Variants in PDE1A observed in about 807,000 individuals in gnomAD.
PDE1A encodes the protein dual specificity calcium/calmodulin-dependent 3',5'-cyclic nucleotide phosphodiesterase 1A.
PDE1A carries 35 observed loss-of-function variants against 61.7 expected under a neutral mutation model. The ratio of observed to expected loss-of-function variants is 0.57; its 90% CI spans 0.43 to 0.75. The LOEUF (loss-of-function observed/expected upper bound fraction) is 0.75. PDE1A is among the 30% of genes least tolerant of loss of function. The probability of loss-of-function intolerance (pLI) is 0.00; values close to 1 mark genes in which losing one functional copy is unlikely to be tolerated. For missense variants in PDE1A, 597 were observed against 630.6 expected (o/e 0.95, Z 0.57); for synonymous variants, 232 against 213.2 (o/e 1.09, Z -0.77).
chr2:182,597,467 G>T, the PDE1A span, among the ~76,000 whole-genome samples: 2 of 152,184 alleles, frequency 1.3e-5, no homozygotes, highest in Non-Finnish European at 2.9e-5. Flanking sequence ...GGCTATTGCA[G>T]AGGAAGAGAG....
At chr2:182,637,638 C>G in the PDE1A span, among the ~76,000 whole-genome samples, 2 of 152,056 alleles carry the variant, frequency 1.3e-5, no homozygotes, top group African/African-American at 4.8e-5. Context: ...ATGTCAAAGT[C>G]AGGCCGGGCA....
At chr2:182,565,928 T>G in the PDE1A span, among the ~76,000 whole-genome samples, 8 of 152,086 alleles carry the variant, frequency 5.3e-5, no homozygotes, top group African/African-American at 1.7e-4. Context: ...TAAGCTTTCA[T>G]TTGCTAATAT....
chr2:182,550,645 C>T, the PDE1A span, among the ~76,000 whole-genome samples: 1 of 152,278 alleles, frequency 6.6e-6, no homozygotes, highest in Admixed American at 6.5e-5. Flanking sequence ...TCAGGATGCC[C>T]TCACTGTTAT....
At chr2:182,384,458 A>AAATAATAATAATAATAAT (rs112896044) in intron 1 of PDE1A, among the ~76,000 whole-genome samples, 22 of 141,920 alleles carry the variant, frequency 1.6e-4, no homozygotes, top group African/African-American at 4.6e-4. Context: ...AATAAAGAGA[A>AAATAATAATAATAATAAT]AATAATAATA....
At chr2:182,444,845 T>C (rs1230614320) in intron 2 of PDE1A, among the ~76,000 whole-genome samples, 1 of 152,148 alleles carries the variant, frequency 6.6e-6, no homozygotes, top group Non-Finnish European at 1.5e-5. Context: ...TTTAGTACTC[T>C]TATTCTTCTT....
At chr2:182,167,454 T>C (rs566553908), downstream of PDE1A, among the ~76,000 whole-genome samples, 1 of 152,186 alleles carries the variant, frequency 6.6e-6, no homozygotes, top group South Asian at 2.1e-4. Flanking sequence ...CACCGCAAAA[T>C]GAACATGGGA....
intron 1 of PDE1A, among the ~76,000 whole-genome samples, chr2:182,399,813 TAGTC>T (rs1224193468): frequency 6.6e-6 from 1 of 152,090 alleles, no homozygotes; most frequent in Admixed American, 6.5e-5. Flanking sequence ...ATAATCAATT[TAGTC>T]AGTCTCCTGT....
intron 1 of PDE1A, among the ~76,000 whole-genome samples, chr2:182,344,750 T>TCA (rs10590540): frequency 0.086 from 13,006 of 150,592 alleles, 1,065 homozygotes; most frequent in African/African-American, 0.22. Context: ...TCTCTCTCTC[T>TCA]CACACACACA....
intron 1 of PDE1A, among the ~76,000 whole-genome samples, chr2:182,420,112 C>CTG (rs1703181871): frequency 6.6e-6 from 1 of 151,992 alleles, no homozygotes; most frequent in African/African-American, 2.4e-5. Context: ...TAAAATGCCA[C>CTG]TGTGCTGTTA....
chr2:182,565,651 C>T, the PDE1A span, among the ~76,000 whole-genome samples: 2 of 151,768 alleles, frequency 1.3e-5, no homozygotes, highest in Non-Finnish European at 2.9e-5. Context: ...ATGAGAAACA[C>T]AATTTATAAG....
At chr2:182,264,477 T>C in intron 1 of PDE1A, 63 bp from the exon 2 acceptor site, 2 of 1,147,956 alleles carry the variant, frequency 1.7e-6, no homozygotes, top group South Asian at 1.3e-5. Flanking sequence ...ATATGGAAAA[T>C]AGTACAGTAT....
At chr2:182,345,441 T>C (rs1698462135) in intron 1 of PDE1A, among the ~76,000 whole-genome samples, 1 of 152,230 alleles carries the variant, frequency 6.6e-6, no homozygotes, top group Admixed American at 6.5e-5. Flanking sequence ...TTCCATCATC[T>C]ATTCTGAACA....
intron 2 of PDE1A, among the ~76,000 whole-genome samples, chr2:182,445,407 A>G (rs1574672937): frequency 6.6e-6 from 1 of 152,100 alleles, no homozygotes; most frequent in Non-Finnish European, 1.5e-5. Context: ...CCCACTTGAC[A>G]TTGACTCAAA....
intron 1 of PDE1A, among the ~76,000 whole-genome samples, chr2:182,299,319 T>G (rs560317527): frequency 6.6e-6 from 1 of 151,396 alleles, no homozygotes; most frequent in African/African-American, 2.4e-5. Context: ...AGAATCTGGA[T>G]TGATATACTT....
intron 1 of PDE1A, among the ~76,000 whole-genome samples, chr2:182,404,089 T>G (rs1328278499): frequency 3.3e-5 from 5 of 152,120 alleles, no homozygotes; most frequent in African/African-American, 1.2e-4. Flanking sequence ...AGGAAAAATA[T>G]GCTTTGGAAA....
the PDE1A span, among the ~76,000 whole-genome samples, chr2:182,544,074 G>T: frequency 2.0e-5 from 3 of 152,074 alleles, no homozygotes; most frequent in Non-Finnish European, 4.4e-5. Flanking sequence ...AGTAATAAGC[G>T]GGAGAAAATA....
chr2:182,592,296 C>T, the PDE1A span, among the ~76,000 whole-genome samples: 4 of 152,106 alleles, frequency 2.6e-5, no homozygotes, highest in Non-Finnish European at 4.4e-5. Flanking sequence ...AGTTTCTCTC[C>T]GAGTTTCATC....
chr2:182,341,912 C>A (rs1381212933), intron 1 of PDE1A, among the ~76,000 whole-genome samples: 1 of 152,086 alleles, frequency 6.6e-6, no homozygotes, highest in East Asian at 1.9e-4. Context: ...CACACGCCAC[C>A]ACACCCAGCT....
intron 1 of PDE1A, among the ~76,000 whole-genome samples, chr2:182,425,203 C>A (rs1302962284): frequency 2.0e-5 from 3 of 152,162 alleles, no homozygotes; most frequent in Admixed American, 6.5e-5. Context: ...CACAACCTTG[C>A]CTTTCCAAAC....
Sources: allele counts gnomAD v4.1 joint callset (sites outside exome capture counted in the v4.1 genomes callset), GRCh38; gene constraint gnomAD v4.1.1; transcripts MANE v1.5; gene names NCBI Gene and HGNC (gene_info 2026-07-23, HGNC 2026-07-21).